NSMCE2: variants seen among roughly 807,000 people sequenced by gnomAD.
NSMCE2 encodes the protein NSE2 SUMO ligase component of SMC5/6 complex.
A neutral mutation model predicts 23.8 loss-of-function variants in NSMCE2; 24 were observed. That is an observed-to-expected ratio of 1.01 (90% confidence interval 0.73 to 1.42). The LOEUF is 1.42. Among genes scored for constraint, NSMCE2 ranks in the 40% most tolerant of loss-of-function variants. NSMCE2 has a pLI of 0.00. For synonymous variants in NSMCE2, 92 were observed against 94.1 expected, an observed-to-expected ratio of 0.98 and a Z score of 0.13; for missense variants, 284 against 296.5, an observed-to-expected ratio of 0.96 and a Z score of 0.31.
intron 5 of NSMCE2, among the ~76,000 whole-genome samples, chr8:125,225,641 G>A (rs1825060427): frequency 2.0e-5 from 3 of 152,120 alleles, no homozygotes; most frequent in African/African-American, 7.2e-5. Flanking sequence ...GTGCTCTGGG[G>A]TATATTTGTT....
intron 3 of NSMCE2, among the ~76,000 whole-genome samples, chr8:125,149,326 A>G (rs1462112028): frequency 2.0e-5 from 3 of 152,208 alleles, no homozygotes; most frequent in African/African-American, 7.2e-5. Context: ...TTATAAAATT[A>G]AAGCATATGT....
chr8:125,237,442 C>T (rs1185649854), intron 5 of NSMCE2, among the ~76,000 whole-genome samples: 3 of 152,302 alleles, frequency 2.0e-5, no homozygotes, highest in African/African-American at 7.2e-5. Context: ...TCAACAACAC[C>T]TGCCAGATTG....
intron 4 of NSMCE2, among the ~76,000 whole-genome samples, chr8:125,173,402 C>A (rs1586562230): frequency 6.6e-6 from 1 of 152,144 alleles, no homozygotes; most frequent in Non-Finnish European, 1.5e-5. Context: ...GTGGGAGAAA[C>A]AATGTTTTGT....
intron 4 of NSMCE2, among the ~76,000 whole-genome samples, chr8:125,151,808 T>C (rs1258240810): frequency 6.6e-6 from 1 of 152,190 alleles, no homozygotes; most frequent in Admixed American, 6.6e-5. Flanking sequence ...ATAAGGCAGT[T>C]AAGGTGGGAA....
chr8:125,274,803 G>A (rs563532311), intron 5 of NSMCE2, among the ~76,000 whole-genome samples: 5 of 151,820 alleles, frequency 3.3e-5, no homozygotes, highest in Admixed American at 2.0e-4. Context: ...GGTGGCGCAC[G>A]CCTGTAATCC....
intron 4 of NSMCE2, among the ~76,000 whole-genome samples, chr8:125,157,383 G>T (rs922768777): frequency 1.3e-5 from 2 of 152,206 alleles, no homozygotes; most frequent in African/African-American, 4.8e-5. Flanking sequence ...TGAGTTATAT[G>T]TGAGCTTTTC....
At chr8:125,232,097 C>G (rs978412123) in intron 5 of NSMCE2, among the ~76,000 whole-genome samples, 1 of 152,166 alleles carries the variant, frequency 6.6e-6, no homozygotes, top group Non-Finnish European at 1.5e-5. Context: ...CGCAGTGGCT[C>G]ATGCCTATAA....
At chr8:125,145,015 G>T (rs1032739026) in intron 3 of NSMCE2, among the ~76,000 whole-genome samples, 2 of 152,048 alleles carry the variant, frequency 1.3e-5, no homozygotes, top group East Asian at 1.9e-4. Context: ...AAAATCATAC[G>T]CAGGCCAACT....
rs571704307 is a variant in NSMCE2, at chr8:125,241,236, A to C, written c.418+58980A>C. On this transcript the variant is annotated intron_variant, in intron 5 of 7. Transcript: ENST00000287437. ...TGAACCTGAATTTGGAAATACATTT[A>C]TTCATCAGATACTCATGGGATGCTT... Among the ~76,000 whole-genome samples the C allele has an allele frequency of 1.4e-4, 21 of 152,328 alleles. No homozygotes were observed. The South Asian group carries it at 4.3e-3, about 32-fold the overall frequency.
intron 5 of NSMCE2, among the ~76,000 whole-genome samples, chr8:125,259,780 G>A (rs1316643348): frequency 6.6e-6 from 1 of 152,152 alleles, no homozygotes; most frequent in African/African-American, 2.4e-5. Context: ...CTAAAACAGG[G>A]TAGGTAATGT....
intron 5 of NSMCE2, among the ~76,000 whole-genome samples, chr8:125,327,605 G>A (rs942370402): frequency 4.6e-5 from 7 of 151,968 alleles, no homozygotes; most frequent in African/African-American, 1.7e-4. Context: ...CAAGAGAGAG[G>A]GTAGGTACAG....
At chr8:125,323,927 A>G (rs1320885260) in intron 5 of NSMCE2, among the ~76,000 whole-genome samples, 1 of 152,188 alleles carries the variant, frequency 6.6e-6, no homozygotes, top group East Asian at 1.9e-4. Context: ...TGAATCCAGA[A>G]TAGTAAAAGA....
chr8:125,142,213 A>C (rs953035926), intron 3 of NSMCE2, among the ~76,000 whole-genome samples: 1 of 152,204 alleles, frequency 6.6e-6, no homozygotes, highest in East Asian at 1.9e-4. Context: ...CATTTTACCT[A>C]CATTATCTCA....
intron 5 of NSMCE2, among the ~76,000 whole-genome samples, chr8:125,288,259 T>G (rs1827975830): frequency 6.6e-6 from 1 of 152,248 alleles, no homozygotes; most frequent in Admixed American, 6.5e-5. Context: ...ACCATAATCC[T>G]GTCCTTACTG....
At chr8:125,218,263 C>T (rs931126711) in intron 5 of NSMCE2, among the ~76,000 whole-genome samples, 1 of 152,136 alleles carries the variant, frequency 6.6e-6, no homozygotes, top group African/African-American at 2.4e-5. Context: ...GATTATTCTA[C>T]AGATAATGCT....
intron 5 of NSMCE2, among the ~76,000 whole-genome samples, chr8:125,323,743 G>A (rs969326027): frequency 2.6e-5 from 4 of 152,202 alleles, no homozygotes; most frequent in African/African-American, 9.6e-5. Flanking sequence ...AGAAAACATA[G>A]GAGAAACTGT....
chr8:125,177,557 C>G (rs1162418621), intron 4 of NSMCE2, among the ~76,000 whole-genome samples: 1 of 152,196 alleles, frequency 6.6e-6, no homozygotes, highest in Non-Finnish European at 1.5e-5. Flanking sequence ...ATCATCTGAG[C>G]ACCCACTGTG....
chr8:125,357,158 A>G, intron 5 of NSMCE2, 61 bp from the exon 6 acceptor site: 1 of 1,105,550 alleles, frequency 9.0e-7, no homozygotes, highest in Non-Finnish European at 1.4e-6. Context: ...CCTTCCTTCC[A>G]TTCCTTCCTT....
rs572311706 is a variant in NSMCE2 at position 125,212,846 on chromosome 8, G to A, written c.418+30590G>A. Among the ~76,000 whole-genome samples the A allele has an allele frequency of 1.8e-4, 27 of 152,296 alleles. No homozygotes were observed. The South Asian group carries it at 2.3e-3, about 13-fold the overall frequency. ...GCCCGGGTTCTAATCACCGAGGCAT[G>A]TACCTGGTATGCCTGGAGGAAAGTG... On this transcript the variant is annotated intron_variant, in intron 5 of 7. Transcript: ENST00000287437.
Sources: gnomAD v4.1 joint callset for allele counts (sites outside exome capture counted in the v4.1 genomes callset) on GRCh38, gnomAD v4.1.1 for gene constraint, MANE v1.5 for transcripts, NCBI Gene and HGNC (gene_info 2026-07-23, HGNC 2026-07-21) for gene names.